The following APP variants were observed in gnomAD, a reference collection of about 807,000 sequenced individuals.
The protein encoded by APP is amyloid-beta precursor protein.
APP carries 31 observed loss-of-function variants against 101.4 expected under a neutral mutation model. The ratio of observed to expected loss-of-function variants is 0.31; its 90% confidence interval spans 0.23 to 0.41. The LOEUF (loss-of-function observed/expected upper bound fraction) is 0.41. Among genes scored for constraint, APP ranks in the 10% least tolerant of loss-of-function variants. The pLI is 1.00. For synonymous variants in APP, 366 were observed against 364.4 expected (o/e 1.00, Z -0.05); for missense variants, 839 against 1,003.7 (o/e 0.84, Z 2.22).
intron 16 of APP, among the ~76,000 whole-genome samples, chr21:25,893,679 T>A (rs898908035): frequency 2.0e-5 from 3 of 152,160 alleles, no homozygotes; most frequent in Non-Finnish European, 1.5e-5. Flanking sequence ...AAAAAAAAGT[T>A]GGGAGAGGTT....
intron 13 of APP, chr21:25,942,976 C>G (rs2146439722): frequency 6.6e-6 from 1 of 152,232 alleles, no homozygotes; most frequent in Middle Eastern, 3.4e-3. Flanking sequence ...CCTCTCAGCC[C>G]CTGGCAATCA....
chr21:26,002,801 AAT>A (rs2043356104), intron 6 of APP, among the ~76,000 whole-genome samples: 2 of 151,456 alleles, frequency 1.3e-5, no homozygotes, highest in Admixed American at 6.6e-5. Context: ...TAGAGTACCA[AAT>A]ATGTGTCTTC....
chr21:26,051,484 C>G (rs2045838840), intron 4 of APP, among the ~76,000 whole-genome samples: 1 of 152,184 alleles, frequency 6.6e-6, no homozygotes, highest in Admixed American at 6.5e-5. Context: ...TAAGATGTAG[C>G]AGTCTCCACT....
At chr21:26,153,849 T>C (rs922018116) in intron 1 of APP, among the ~76,000 whole-genome samples, 1 of 152,248 alleles carries the variant, frequency 6.6e-6, no homozygotes, top group African/African-American at 2.4e-5. Context: ...CTAAGTTATA[T>C]GACTAAGCAA....
chr21:26,033,523 T>G (rs576471296), intron 5 of APP, among the ~76,000 whole-genome samples: 1 of 152,328 alleles, frequency 6.6e-6, no homozygotes, highest in African/African-American at 2.4e-5. Context: ...GAATTGCCAA[T>G]TCTCAGTATG....
chr21:25,964,971 A>T (rs1021603351), intron 11 of APP, among the ~76,000 whole-genome samples: 1 of 152,154 alleles, frequency 6.6e-6, no homozygotes, highest in Non-Finnish European at 1.5e-5. Flanking sequence ...GAAATAATTT[A>T]TTTTGGTTGT....
chr21:26,136,527 A>G (rs1173692530), intron 1 of APP, among the ~76,000 whole-genome samples: 2 of 152,148 alleles, frequency 1.3e-5, no homozygotes, highest in African/African-American at 4.8e-5. Context: ...GGAGTTTTAC[A>G]CCTCTAGAAT....
intron 3 of APP, among the ~76,000 whole-genome samples, chr21:26,088,698 CT>C (rs2146106822): frequency 1.3e-5 from 2 of 152,224 alleles, no homozygotes; most frequent in African/African-American, 4.8e-5. Context: ...AATTTAAGTG[CT>C]GCTTATTTTC....
chr21:25,929,889 G>C (rs541627303), intron 13 of APP, among the ~76,000 whole-genome samples: 5 of 152,290 alleles, frequency 3.3e-5, no homozygotes, highest in African/African-American at 1.2e-4. Context: ...TCAATCCACA[G>C]TGTCCCATTT....
intron 1 of APP, among the ~76,000 whole-genome samples, chr21:26,148,613 G>T (rs2154482): frequency 0.53 from 81,361 of 152,114 alleles, 23,153 homozygotes; most frequent in African/African-American, 0.74. Context: ...AATGTGAAAC[G>T]AAGCAGTGTC....
intron 8 of APP, among the ~76,000 whole-genome samples, chr21:25,985,353 C>T (rs766754826): frequency 6.6e-6 from 1 of 152,096 alleles, no homozygotes; most frequent in East Asian, 1.9e-4. Context: ...AGATTAGCAT[C>T]GGAATTGGTG....
intron 1 of APP, among the ~76,000 whole-genome samples, chr21:26,141,831 T>G (rs2063052560): frequency 6.6e-6 from 1 of 152,200 alleles, no homozygotes; most frequent in Non-Finnish European, 1.5e-5. Flanking sequence ...AGTTATTACA[T>G]CAAGGGTTTC....
At chr21:25,902,464 A>G (rs189733027) in intron 15 of APP, among the ~76,000 whole-genome samples, 5 of 146,388 alleles carry the variant, frequency 3.4e-5, no homozygotes, top group Admixed American at 2.2e-4. Context: ...ACTGCTATTC[A>G]TAGACAAACC....
intron 1 of APP, among the ~76,000 whole-genome samples, chr21:26,156,932 T>C (rs2063387262): frequency 6.6e-6 from 1 of 152,220 alleles, no homozygotes; most frequent in Non-Finnish European, 1.5e-5. Flanking sequence ...CTCTTTCTAA[T>C]TTTTCATAAA....
At chr21:25,954,084 A>T (rs771505059) in intron 13 of APP, among the ~76,000 whole-genome samples, 1 of 152,166 alleles carries the variant, frequency 6.6e-6, no homozygotes, top group Non-Finnish European at 1.5e-5. Flanking sequence ...CTTACTGAAT[A>T]TAACAATAAC....
At chr21:26,152,406 T>A (rs943091667) in intron 1 of APP, among the ~76,000 whole-genome samples, 21 of 151,898 alleles carry the variant, frequency 1.4e-4, no homozygotes, top group African/African-American at 4.1e-4. Context: ...ATAGCTCCAG[T>A]TTCCCTAAAC....
At chr21:26,017,974 C>T (rs192743218) in intron 6 of APP, among the ~76,000 whole-genome samples, 4 of 152,072 alleles carry the variant, frequency 2.6e-5, no homozygotes, top group Non-Finnish European at 2.9e-5. Context: ...AGACAGGGTC[C>T]CACTCTGTTG....
intron 1 of APP, 121 bp from the exon 2 acceptor site, chr21:26,112,267 C>T: frequency 9.4e-7 from 1 of 1,068,538 alleles, no homozygotes; most frequent in Non-Finnish European, 1.4e-6. Flanking sequence ...TAGGAATCAG[C>T]CCGGTCTTCA....
intron 5 of APP, among the ~76,000 whole-genome samples, chr21:26,039,827 T>C (rs1248630934): frequency 6.6e-6 from 1 of 152,020 alleles, no homozygotes; most frequent in Non-Finnish European, 1.5e-5. Context: ...AAAAAATTTA[T>C]TTATATAAAT....
Sources: gnomAD v4.1 joint callset for allele counts (sites outside exome capture counted in the v4.1 genomes callset) on GRCh38, gnomAD v4.1.1 for gene constraint, MANE v1.5 for transcripts, NCBI Gene and HGNC (gene_info 2026-07-23, HGNC 2026-07-21) for gene names.